The following MALRD1 variants were observed in gnomAD, a reference collection of about 807,000 sequenced individuals.
MALRD1 encodes the protein MAM and LDL receptor class A domain containing 1.
MALRD1 carries 247 observed loss-of-function variants against 242.1 expected under a neutral mutation model. The ratio of observed to expected loss-of-function variants is 1.02; its 90% confidence interval spans 0.92 to 1.13. MALRD1 has a LOEUF of 1.13. Ranked by LOEUF, MALRD1 falls within the 50% of genes most tolerant of loss-of-function variation. The pLI, the probability that MALRD1 is intolerant of heterozygous loss-of-function variation, is 0.00. For synonymous variants in MALRD1, 995 were observed against 866.6 expected (o/e 1.15, Z -2.60); for missense variants, 2,989 against 2,533.1 (o/e 1.18, Z -3.86).
chr10:19,236,849 G>A (rs1482357144), intron 18 of MALRD1, among the ~76,000 whole-genome samples: 1 of 151,988 alleles, frequency 6.6e-6, no homozygotes, highest in Non-Finnish European at 1.5e-5. Context: ...CAGTAGTATA[G>A]CTAGGATTCT....
In MALRD1 at chr10:19,376,542, C is replaced by CAT. The variant is rs1554842468; in HGVS notation, c.4442-10986_4442-10985insAT. On this transcript the variant is annotated intron_variant, in intron 26 of 39. Transcript: ENST00000454679. ...TTGAAAGTCAAGGAGTTGATACATT[C>CAT]TTTTTTTTTTTTTTTTTTTTTTTTT... Among the ~76,000 whole-genome samples, 755 of 94,984 alleles carry CAT rather than the reference C, an allele frequency of 7.9e-3. 86 individuals are homozygous for CAT. Among genetic ancestry groups the CAT allele is most frequent in the African/African-American group, 0.016 (396 of 25,278 alleles). The allele number at this position is 94,984 out of a possible 152,430, so 62.3% of individuals were successfully genotyped here. A position where few individuals can be genotyped will look rare whatever the true frequency, so the allele number is the denominator to read the frequency against.
At chr10:19,211,231 C>G (rs189421813) in intron 18 of MALRD1, among the ~76,000 whole-genome samples, 2 of 152,188 alleles carry the variant, frequency 1.3e-5, no homozygotes, top group Admixed American at 1.3e-4. Flanking sequence ...TCGTCATGAA[C>G]CTCAAACATG....
intron 38 of MALRD1, among the ~76,000 whole-genome samples, chr10:19,719,044 G>C (rs552658785): frequency 4.1e-4 from 62 of 150,352 alleles, no homozygotes; most frequent in African/African-American, 1.4e-3. Flanking sequence ...GTGGCTGTAG[G>C]GCTAGATACC....
At chr10:19,106,102 G>GTGAGTT (rs1425485760) in intron 5 of MALRD1, among the ~76,000 whole-genome samples, 2 of 151,840 alleles carry the variant, frequency 1.3e-5, no homozygotes, top group Non-Finnish European at 3.0e-5. Context: ...TGGGGTACAT[G>GTGAGTT]TGAGTTTGTT....
Position 19,209,378 on chromosome 10 carries a change from G to A in MALRD1, c.2689G>A (p.Gly897Arg), listed in dbSNP as rs1836938535. The A allele has an allele frequency of 1.3e-6, 2 of 1,550,778 alleles. No individual in the cohort carries two copies. Among genetic ancestry groups the A allele is most frequent in the East Asian group, 2.4e-5 (1 of 40,918 alleles). ...SQGPTPTLNTGPMKDNTLGTA... is the reference protein window; with the variant it reads ...SQGPTPTLNTRPMKDNTLGTA... ...GGGTCCAACTCCAACACTTAACACA[G>A]GGCCAATGAAAGATAACACTCTGGG... is the stretch of plus-strand genomic sequence containing the variant. Residue 897 changes from glycine (G) to arginine (R), a missense_variant, in exon 18 of 40, where the codon GGG (glycine) becomes AGG (arginine). Physicochemically the swap from Gly to Arg is moderately radical, Grantham distance 125. Coordinates refer to ENST00000454679, the MANE Select transcript of MALRD1 (RefSeq NM_001142308.3).
At position 19,654,459 on chromosome 10, in the gene MALRD1, G is replaced by T. The variant is rs76884620; in HGVS notation, c.6138-37823G>T. Among the ~76,000 whole-genome samples the T allele has an allele frequency of 2.8e-4, 42 of 152,250 alleles. No homozygotes were observed. In the East Asian group the frequency reaches 6.0e-3, roughly 22 times the overall value. On this transcript the variant is annotated intron_variant, in intron 36 of 39. Transcript: ENST00000454679. ...AAATATAAAGGCTGACTTCAGCTGG[G>T]ACAAATGACCATTATCAATATCTCT...
intron 21 of MALRD1, among the ~76,000 whole-genome samples, chr10:19,286,471 G>C (rs1478909336): frequency 1.3e-5 from 2 of 152,104 alleles, no homozygotes; most frequent in Non-Finnish European, 2.9e-5. Context: ...GAAGGTTGTT[G>C]AATTTTGTCA....
At chr10:19,209,921 A>G (rs753425946) in intron 18 of MALRD1, among the ~76,000 whole-genome samples, 8 of 152,210 alleles carry the variant, frequency 5.3e-5, no homozygotes, top group Non-Finnish European at 1.0e-4. Context: ...AAACAGCTGC[A>G]GGTCCTTCCA....
intron 28 of MALRD1, among the ~76,000 whole-genome samples, chr10:19,419,757 G>A (rs980904303): frequency 6.6e-6 from 1 of 152,094 alleles, no homozygotes; most frequent in African/African-American, 2.4e-5. Context: ...TTGTAGTATT[G>A]TATTTTACAG....
At chr10:19,248,424 A>T (rs1424649960) in intron 18 of MALRD1, among the ~76,000 whole-genome samples, 1 of 151,958 alleles carries the variant, frequency 6.6e-6, no homozygotes, top group African/African-American at 2.4e-5. Flanking sequence ...CACATGTAGA[A>T]AATGTTATAT....
intron 1 of MALRD1, among the ~76,000 whole-genome samples, chr10:19,064,823 A>G (rs1012257490): frequency 4.6e-5 from 7 of 151,302 alleles, no homozygotes; most frequent in Non-Finnish European, 8.8e-5. Flanking sequence ...TTAAACATCC[A>G]TCTTTTATTT....
chr10:19,719,203 T>TGTATACAC (rs1834587936), intron 38 of MALRD1, among the ~76,000 whole-genome samples: 4 of 98,304 alleles, frequency 4.1e-5, no homozygotes, highest in African/African-American at 1.5e-4. Flanking sequence ...TACATATATA[T>TGTATACAC]ATATATATAC....
At chr10:19,336,037 A>G (rs1055974623) in intron 24 of MALRD1, among the ~76,000 whole-genome samples, 52 of 152,146 alleles carry the variant, frequency 3.4e-4, no homozygotes, top group African/African-American at 1.2e-3. Flanking sequence ...CAAAGAGAAT[A>G]AAATACTTAG....
chr10:19,712,548 T>TA (rs1442700555), intron 38 of MALRD1, among the ~76,000 whole-genome samples: 1 of 152,124 alleles, frequency 6.6e-6, no homozygotes, highest in African/African-American at 2.4e-5. Flanking sequence ...TTAAATTGTC[T>TA]AAAAAATAGG....
chr10:19,569,073 A>G lies in MALRD1; in HGVS notation c.5680+1370A>G, dbSNP rs1335772251. Among the ~76,000 whole-genome samples, 3 of 152,268 alleles carry G rather than the reference A, an allele frequency of 2.0e-5. No individual in the cohort carries two copies. In the East Asian group the frequency reaches 5.8e-4, roughly 29 times the overall value. On this transcript the variant is annotated intron_variant, in intron 33 of 39. Coordinates refer to ENST00000454679, the MANE Select transcript of MALRD1 (RefSeq NM_001142308.3). ...TAAGTAAATCTATTATTGTAAATAT[A>G]TTCTAGATCGATATTCATATAGTAA... is the stretch of plus-strand genomic sequence containing the variant.
chr10:19,505,661 G>T (rs1833087376), intron 31 of MALRD1, among the ~76,000 whole-genome samples: 1 of 152,196 alleles, frequency 6.6e-6, no homozygotes, highest in Admixed American at 6.5e-5. Flanking sequence ...GAACTCTTCA[G>T]GGGAACTCAC....
At chr10:19,465,983 G>T (rs908236557) in intron 29 of MALRD1, among the ~76,000 whole-genome samples, 3 of 152,204 alleles carry the variant, frequency 2.0e-5, no homozygotes, top group East Asian at 1.9e-4. Flanking sequence ...TTTTTAAAAA[G>T]AAATTTCAGT....
At chr10:19,693,786 G>C (rs1167138687) in intron 38 of MALRD1, among the ~76,000 whole-genome samples, 1 of 152,150 alleles carries the variant, frequency 6.6e-6, no homozygotes, top group Non-Finnish European at 1.5e-5. Flanking sequence ...TAAGGCAAAA[G>C]AACAAAGCTG....
intron 13 of MALRD1, among the ~76,000 whole-genome samples, chr10:19,170,165 C>T (rs1450942976): frequency 6.6e-6 from 1 of 152,154 alleles, no homozygotes; most frequent in Non-Finnish European, 1.5e-5. Flanking sequence ...TCAATATTCC[C>T]TCTATTTCTT....
Sources: gnomAD v4.1 joint callset for allele counts (sites outside exome capture counted in the v4.1 genomes callset) on GRCh38, gnomAD v4.1.1 for gene constraint, MANE v1.5 for transcripts, NCBI Gene and HGNC (gene_info 2026-07-23, HGNC 2026-07-21) for gene names.